The following COL5A3 variants were observed in gnomAD, a reference collection of about 807,000 sequenced individuals.
COL5A3 encodes the protein collagen type V alpha 3 chain.
A neutral mutation model predicts 250.0 loss-of-function variants in COL5A3; 172 were observed. The observed-to-expected ratio is 0.69, with a 90% CI of 0.61 to 0.78. The LOEUF is 0.78. COL5A3 is among the 30% of genes least tolerant of loss of function. The pLI, the probability that COL5A3 is intolerant of heterozygous loss-of-function variation, is 0.00. For missense variants in COL5A3, 2,340 were observed against 2,334.4 expected (o/e 1.00, Z -0.05); for synonymous variants, 937 against 900.4 (o/e 1.04, Z -0.73).
Position 9,969,330 on chromosome 19 carries a change from G to A in COL5A3, c.4152+19C>T, listed in dbSNP as rs2086795605. On this transcript the variant is annotated intron_variant, in intron 57 of 66. Transcript: ENST00000264828. ...GTGGTCCTCAGAGCCAGAACCTCAA[G>A]GATGAACAAGTCTCTTACCAGGGGG... 6 of 1,584,066 alleles carry A rather than the reference G, an allele frequency of 3.8e-6. No individual in the cohort carries two copies. Among genetic ancestry groups the A allele is most frequent in the Non-Finnish European group, 5.1e-6 (6 of 1,168,322 alleles).
In COL5A3 at chr19:9,996,100, C is replaced by T; in HGVS notation, c.1499G>A (p.Gly500Asp). Reference protein sequence around the residue: ...PGPVGLPGHPGLKGEEGAEGP... With the variant: ...PGPVGLPGHPDLKGEEGAEGP... ...TTCTGCTCCCTCCTCTCCTTTCAGA[C>T]CTGGATGCCCGGGGAGACCCTTGGG... is the stretch of plus-strand genomic sequence containing the variant. Residue 500 changes from glycine to aspartate, a missense_variant, in exon 15 of 67, where the codon GGT (glycine) becomes GAT (aspartate). Physicochemically the swap from Gly to Asp is moderately conservative, Grantham distance 94. Transcript: ENST00000264828. 6.3e-7 allele frequency: 1 copy of T among 1,584,214 alleles called. No homozygotes were observed. Among genetic ancestry groups the T allele is most frequent in the Non-Finnish European group, 8.6e-7 (1 of 1,166,402 alleles).
At chr19:9,970,833 G>A in intron 53 of COL5A3, 142 bp downstream of exon 53, 1 of 1,052,316 alleles carries the variant, frequency 9.5e-7, no homozygotes, top group Non-Finnish European at 1.3e-6. Flanking sequence ...TCACATTCCT[G>A]GGGGTCCCCA....
chr19:10,002,421 C>T (rs1240506711), intron 6 of COL5A3, among the ~76,000 whole-genome samples: 1 of 150,582 alleles, frequency 6.6e-6, no homozygotes, highest in African/African-American at 2.4e-5. Flanking sequence ...ACCAGTGACT[C>T]CCCCACCAGC....
At position 9,971,162 on chromosome 19, in the gene COL5A3, G is replaced by C. The variant is rs113960860; in HGVS notation, c.3828+43C>G. On this transcript the variant is annotated intron_variant, in intron 52 of 66. Transcript: ENST00000264828. ...CTGTGGGGGTAGGGAGATGGGGACA[G>C]AATTAGGAAATATGCCAGGATTGGG... 1.7e-3 allele frequency: 2,487 copies of C among 1,506,674 alleles called. 18 individuals carry two copies. In the African/African-American group the frequency reaches 0.031, roughly 19 times the overall value. 93.3% of individuals were successfully genotyped at this position (1,506,674 alleles called of 1,614,324 possible). A position where few individuals can be genotyped will look rare whatever the true frequency, so the allele number is the denominator to read the frequency against.
chr19:9,974,179 C>A lies in COL5A3; in HGVS notation c.3496G>T (p.Gly1166Trp), dbSNP rs774741488. ...PGEKGEVGDVGSMGPHGAPGP... is the reference protein window; with the variant it reads ...PGEKGEVGDVWSMGPHGAPGP... ...CCTCTGGGAGTGCATACCATGGACCCGACGTCTCCGACCTCCCCTTTCTCT... is the reference window on the plus strand; with the variant it reads ...CCTCTGGGAGTGCATACCATGGACCAGACGTCTCCGACCTCCCCTTTCTCT... Residue 1166 changes from glycine to tryptophan, a missense_variant, in exon 47 of 67, where the codon GGG (glycine) becomes TGG (tryptophan). By Grantham distance (184) the Gly-to-Trp change is radical (BLOSUM62 -2). Coordinates refer to ENST00000264828, the MANE Select transcript of COL5A3 (RefSeq NM_015719.4). 6 of 1,613,862 alleles carry A rather than the reference C, an allele frequency of 3.7e-6. No individual in the cohort carries two copies. Among genetic ancestry groups the A allele is most frequent in the East Asian group, 2.2e-5 (1 of 44,884 alleles).
rs747248766 is a variant in COL5A3 at position 9,986,647 on chromosome 19, G to A, written c.2191-41C>T. On this transcript the variant is annotated intron_variant, in intron 28 of 66. Coordinates refer to ENST00000264828, the MANE Select transcript of COL5A3 (RefSeq NM_015719.4). ...AGAGGCCAGAAGTGAGGGCCTCGGGGAAGGGACACAACCAGGACCCCATGA... is the reference window on the plus strand; with the variant it reads ...AGAGGCCAGAAGTGAGGGCCTCGGGAAAGGGACACAACCAGGACCCCATGA... 3.7e-6 allele frequency: 6 copies of A among 1,613,646 alleles called. No homozygotes were observed. The East Asian group carries it at 1.3e-4, about 36-fold the overall frequency.
intron 32 of COL5A3, 112 bp from the exon 33 acceptor site, chr19:9,981,244 A>G: frequency 2.2e-6 from 2 of 921,846 alleles, no homozygotes; most frequent in Non-Finnish European, 3.5e-6. Context: ...CCACATATTT[A>G]TTCACAAGCT....
Position 9,966,581 on chromosome 19 carries a change from G to A in COL5A3, c.4624C>T (p.Leu1542Phe). 1 of 1,542,014 alleles carries A rather than the reference G, an allele frequency of 6.5e-7. No homozygotes were observed. Among genetic ancestry groups the A allele is most frequent in the South Asian group, 1.2e-5 (1 of 84,240 alleles). The change falls in exon 63 of 67, where the codon CTC (leucine) becomes TTC (phenylalanine). Residue 1542 changes from leucine (L) to phenylalanine (F), a missense_variant. Around this residue, in one of 3 missense-constraint regions of COL5A3, gnomAD observed 1,179 missense variants for 1,162.6 expected, o/e 1.01. Coordinates refer to ENST00000264828, the MANE Select transcript of COL5A3 (RefSeq NM_015719.4). ...RPPGTAERPG[L>F]VCHELHRNHP... ...TTGCGGTGCAGCTCGTGGCACACGAGGCCCGGGCGCTCCGCAGTGCCGGGA... is the reference window on the plus strand; with the variant it reads ...TTGCGGTGCAGCTCGTGGCACACGAAGCCCGGGCGCTCCGCAGTGCCGGGA...
In COL5A3 at chr19:9,977,233, T is replaced by C. The variant is rs1463137817; in HGVS notation, c.3284A>G (p.Asp1095Gly). 6.2e-7 allele frequency: 1 copy of C among 1,612,630 alleles called. No homozygotes were observed. Among genetic ancestry groups the C allele is most frequent in the East Asian group, 2.2e-5 (1 of 44,854 alleles). Residue 1095 changes from aspartate (D) to glycine (G), a missense_variant, in exon 44 of 67, where the codon GAC (aspartate) becomes GGC (glycine). Coordinates refer to ENST00000264828, the MANE Select transcript of COL5A3 (RefSeq NM_015719.4). ...CCACTGGGGACCTTCACTCACCGCG[T>C]CTCCTTTATCGCCTTTACTCCCCTT... ...GHKGSKGDKG[D>G]AGPPGQPGIR...
At chr19:9,965,005 C>T (rs975055757) in intron 64 of COL5A3, among the ~76,000 whole-genome samples, 6 of 151,330 alleles carry the variant, frequency 4.0e-5, no homozygotes, top group African/African-American at 1.5e-4. Context: ...GCTGAGATCA[C>T]GCCACTGCAT....
At chr19:9,979,285 G>A (rs771161648) in intron 38 of COL5A3, 46 bp from the exon 39 acceptor site, 3 of 1,599,948 alleles carry the variant, frequency 1.9e-6, no homozygotes, top group Non-Finnish European at 1.7e-6. Flanking sequence ...GCCTAGGGGA[G>A]TCGCTCAGGA....
At position 10,005,573 on chromosome 19, in the gene COL5A3, C is replaced by A; in HGVS notation, c.579G>T (p.Gly193=). Residue 193 remains glycine (G), a synonymous_variant, in exon 4 of 67, where the codon GGG becomes GGT. Transcript: ENST00000264828. ...GLTVLGTQDL[G]EKTFEGDIQE... is the part of the protein sequence containing the mutation. The stretch of plus-strand genomic sequence containing the variant: ...GAACTCCTACCTCGAAAGTCTTTTC[C>A]CCAAGGTCCTGGGTCCCCAGCACAG... 6.2e-7 allele frequency: 1 copy of A among 1,614,160 alleles called. No homozygotes were observed. The highest frequency in any genetic ancestry group is 1.1e-5 in the South Asian group (1 of 91,080).
intron 46 of COL5A3, 36 bp from the exon 47 acceptor site, chr19:9,974,260 A>G (rs774865942): frequency 1.9e-6 from 3 of 1,612,376 alleles, no homozygotes; most frequent in Admixed American, 1.7e-5. Flanking sequence ...GGCACCAGGT[A>G]GGGAGAATCA....
chr19:9,988,855 A>AAAGAGGGAGAAAG (rs1555738987), intron 27 of COL5A3, among the ~76,000 whole-genome samples: 1 of 104,764 alleles, frequency 9.5e-6, no homozygotes, highest in Non-Finnish European at 1.8e-5. Flanking sequence ...AAAAAAAAAA[A>AAAGAGGGAGAAAG]AAAGAAAGTA....
chr19:9,974,457 G>A (rs781405045), intron 45 of COL5A3, 49 bp from the exon 46 acceptor site: 4 of 1,415,300 alleles, frequency 2.8e-6, no homozygotes, highest in Non-Finnish European at 3.8e-6. Context: ...TCAGTGATTA[G>A]GGCAGAGTGA....
rs67181648 is a variant in COL5A3 at position 9,988,833 on chromosome 19, CAAAAAAA to C, written c.2145+284_2145+290del. ...TGGGCGACAAAGCGAGACTCTGTCT[CAAAAAAA>C]AAAAAAAAAAAAAAAAAAGAAAGTA... On this transcript the variant is annotated intron_variant, in intron 27 of 66. Coordinates refer to ENST00000264828, the MANE Select transcript of COL5A3 (RefSeq NM_015719.4). 4.3e-3 allele frequency among the ~76,000 whole-genome samples: 170 copies of C among 39,414 alleles called. 1 individual carries two copies. Among genetic ancestry groups the C allele is most frequent in the East Asian group, 0.039 (37 of 950 alleles). 25.9% of individuals were successfully genotyped at this position (39,414 alleles called of 152,430 possible).
In COL5A3 at chr19:10,004,148, G is replaced by T; in HGVS notation, c.595-3C>A. 6.2e-7 allele frequency: 1 copy of T among 1,610,584 alleles called. No individual in the cohort carries two copies. The highest frequency in any genetic ancestry group is 1.1e-5 in the South Asian group (1 of 91,024). ...ATCAGCAGCTCCTGAATGTCTCCCT[G>T]GGGGTTGGGGGTGTAGGAGTCAAGG... On this transcript the variant is annotated splice_polypyrimidine_tract_variant and splice_region_variant and intron_variant, in intron 4 of 66. Coordinates refer to ENST00000264828, the MANE Select transcript of COL5A3 (RefSeq NM_015719.4).
chr19:10,003,688 A>AG lies in COL5A3; in HGVS notation c.725dup (p.Arg243SerfsTer36). ...TTCCCTTCCCCTTCCGCCGAGGACG[A>AG]GGGGTTTCTGGTTCACCCTGGGGAG... On this transcript the variant is annotated frameshift_variant, in exon 6 of 67. Coordinates refer to ENST00000264828, the MANE Select transcript of COL5A3 (RefSeq NM_015719.4). LOFTEE classifies it high-confidence loss of function. 6.2e-7 allele frequency: 1 copy of AG among 1,613,790 alleles called. No homozygotes were observed.
rs1193963347 is a variant in COL5A3 at position 9,986,315 on chromosome 19, C to T, written c.2352G>A (p.Lys784=). The change falls in exon 30 of 67, where the codon AAG becomes AAA. Residue 784 remains lysine (K), a splice_region_variant and synonymous_variant. Transcript: ENST00000264828. ...GGCTAGAGGGTGGAGAGTCATTTAC[C>T]TTCTCCCCAGCTGAGCCTGGGGGCC... The part of the protein sequence containing the change: ...EEGPPGSAGE[K]GKLGVPGLPG... 6.4e-7 allele frequency: 1 copy of T among 1,552,726 alleles called. No individual in the cohort carries two copies. The highest frequency in any genetic ancestry group is 8.7e-7 in the Non-Finnish European group (1 of 1,155,638).
Sources: allele counts gnomAD v4.1 joint callset (sites outside exome capture counted in the v4.1 genomes callset), GRCh38; gene constraint gnomAD v4.1.1; regional missense constraint gnomAD v4.1.1; transcripts MANE v1.5; gene names NCBI Gene and HGNC (gene_info 2026-07-23, HGNC 2026-07-21).